FRMD3: variants seen among roughly 807,000 people sequenced by gnomAD.
The protein encoded by FRMD3 is FERM domain-containing protein 3.
FRMD3 carries 33 observed loss-of-function variants against 70.2 expected under a neutral mutation model. That is an observed-to-expected ratio of 0.47 (90% CI 0.36 to 0.63). The LOEUF (loss-of-function observed/expected upper bound fraction) is 0.63. FRMD3 is among the 20% of genes least tolerant of loss of function. The pLI, the probability that FRMD3 is intolerant of heterozygous loss-of-function variation, is 0.00. For missense variants in FRMD3, 632 were observed against 711.4 expected, an observed-to-expected ratio of 0.89 and a Z score of 1.27; for synonymous variants, 279 against 255.9, an observed-to-expected ratio of 1.09 and a Z score of -0.86.
At chr9:83,463,066 T>C (rs1468447112) in intron 1 of FRMD3, among the ~76,000 whole-genome samples, 1 of 152,140 alleles carries the variant, frequency 6.6e-6, no homozygotes, top group East Asian at 1.9e-4. Flanking sequence ...AATTGCACCA[T>C]GATGTTCTGG....
intron 6 of FRMD3, 96 bp from the exon 7 acceptor site, chr9:83,313,843 T>C: frequency 1.1e-6 from 1 of 918,298 alleles, no homozygotes; most frequent in South Asian, 1.4e-5. Flanking sequence ...CTAAGCTAAA[T>C]AAAGAGAAAA....
At chr9:83,577,408 T>C in the FRMD3 span, among the ~76,000 whole-genome samples, 1 of 151,974 alleles carries the variant, frequency 6.6e-6, no homozygotes, top group African/African-American at 2.4e-5. Context: ...AACCTTCACA[T>C]TTATGGTCAA....
chr9:83,358,177 TTGTTGAACAGGG>T (rs1318384342), intron 3 of FRMD3, among the ~76,000 whole-genome samples: 3 of 152,240 alleles, frequency 2.0e-5, no homozygotes, highest in Non-Finnish European at 4.4e-5. Context: ...CCAGAACCAT[TTGTTGAACAGGG>T]TGTCCTTTCC....
chr9:83,563,365 C>T, the FRMD3 span, among the ~76,000 whole-genome samples: 47 of 152,288 alleles, frequency 3.1e-4, no homozygotes, highest in African/African-American at 1.1e-3. Context: ...GCTAAGCAGC[C>T]TCTGAGTAAA....
rs1832104217 is a variant in FRMD3, at chr9:83,246,489, T to C, written c.*1429A>G. The C allele has an allele frequency of 1.0e-6, 1 of 985,130 alleles. No homozygotes were observed. Among genetic ancestry groups the C allele is most frequent in the Non-Finnish European group, 1.2e-6 (1 of 829,894 alleles). The allele number at this position is 985,130 out of a possible 1,614,324, so 61.0% of individuals were successfully genotyped here. On this transcript the variant is annotated 3_prime_UTR_variant, in exon 14 of 14. Coordinates refer to ENST00000304195, the MANE Select transcript of FRMD3 (RefSeq NM_174938.6). ...CCTCTACAGTCTGGTTAGGGTCATG[T>C]CACTACTTTACCCAGGCTGAACTGG...
chr9:83,268,668 A>C (rs1833389302), intron 13 of FRMD3, among the ~76,000 whole-genome samples: 1 of 152,222 alleles, frequency 6.6e-6, no homozygotes, highest in South Asian at 2.1e-4. Flanking sequence ...AACTGCACAC[A>C]GGATAAATGT....
intron 4 of FRMD3, among the ~76,000 whole-genome samples, chr9:83,345,650 G>A (rs913830212): frequency 8.6e-5 from 13 of 152,006 alleles, no homozygotes; most frequent in Non-Finnish European, 1.3e-4. Flanking sequence ...CCAGCTACTC[G>A]GGAGGCTGAG....
chr9:83,480,031 T>C (rs746006170), intron 1 of FRMD3, among the ~76,000 whole-genome samples: 12 of 152,228 alleles, frequency 7.9e-5, no homozygotes, highest in Non-Finnish European at 1.6e-4. Context: ...AGGAAATGGT[T>C]TGATATTATC....
chr9:83,316,751 T>G (rs1437382471), intron 6 of FRMD3, among the ~76,000 whole-genome samples: 1 of 152,168 alleles, frequency 6.6e-6, no homozygotes, highest in Non-Finnish European at 1.5e-5. Flanking sequence ...TTTGATAAAG[T>G]AACAATGGAC....
At chr9:83,324,962 C>T (rs994086909) in intron 6 of FRMD3, among the ~76,000 whole-genome samples, 1 of 152,184 alleles carries the variant, frequency 6.6e-6, no homozygotes, top group Non-Finnish European at 1.5e-5. Context: ...TGCTCTCCTG[C>T]GTGCCATGGC....
At chr9:83,411,406 T>A in intron 1 of FRMD3, among the ~76,000 whole-genome samples, 1 of 152,330 alleles carries the variant, frequency 6.6e-6, no homozygotes, top group East Asian at 1.9e-4. Context: ...TCTATTGTTT[T>A]AGCTCAATCC....
intron 1 of FRMD3, among the ~76,000 whole-genome samples, chr9:83,427,121 T>A (rs1346117432): frequency 6.6e-6 from 1 of 152,136 alleles, no homozygotes; most frequent in Non-Finnish European, 1.5e-5. Flanking sequence ...CCTGGAGCAT[T>A]TGTTCAAAAT....
chr9:83,527,641 T>C (rs1829712948), intron 1 of FRMD3, among the ~76,000 whole-genome samples: 2 of 151,980 alleles, frequency 1.3e-5, no homozygotes, highest in South Asian at 4.2e-4. Flanking sequence ...TCAGGGCCCT[T>C]CCCAAGACTT....
chr9:83,393,110 TG>T (rs1235591181), intron 1 of FRMD3, among the ~76,000 whole-genome samples: 18 of 152,350 alleles, frequency 1.2e-4, no homozygotes, highest in Admixed American at 9.1e-4. Context: ...AGACTTTTGA[TG>T]CTGTCTCTAA....
At chr9:83,505,712 C>A (rs1040758983) in intron 1 of FRMD3, among the ~76,000 whole-genome samples, 1 of 152,200 alleles carries the variant, frequency 6.6e-6, no homozygotes, top group Non-Finnish European at 1.5e-5. Context: ...CATTCACAAG[C>A]ACAGTTTTCC....
intron 6 of FRMD3, among the ~76,000 whole-genome samples, chr9:83,320,694 G>A (rs1835767097): frequency 1.3e-5 from 2 of 152,158 alleles, no homozygotes; most frequent in African/African-American, 4.8e-5. Context: ...TGCAGAATGA[G>A]TTAAGGAGAA....
intron 13 of FRMD3, among the ~76,000 whole-genome samples, chr9:83,287,291 T>C (rs1408162489): frequency 6.6e-6 from 1 of 152,202 alleles, no homozygotes; most frequent in African/African-American, 2.4e-5. Context: ...TGGCATCTAC[T>C]GGATAGAAGC....
At chr9:83,256,194 T>C (rs1200061033) in intron 13 of FRMD3, among the ~76,000 whole-genome samples, 1 of 151,826 alleles carries the variant, frequency 6.6e-6, no homozygotes, top group Non-Finnish European at 1.5e-5. Context: ...TGGAACAGAA[T>C]AGAGAATTCA....
chr9:83,326,271 G>T (rs924675959), intron 6 of FRMD3, among the ~76,000 whole-genome samples: 1 of 152,146 alleles, frequency 6.6e-6, no homozygotes, highest in African/African-American at 2.4e-5. Flanking sequence ...AGACTACCAT[G>T]TGCTCCCTTG....
Sources: allele counts gnomAD v4.1 joint callset (sites outside exome capture counted in the v4.1 genomes callset), GRCh38; gene constraint gnomAD v4.1.1; transcripts MANE v1.5; gene names NCBI Gene and HGNC (gene_info 2026-07-23, HGNC 2026-07-21).